The following CELF2 variants were observed in gnomAD, a reference collection of about 807,000 sequenced individuals.
CELF2 encodes CUGBP Elav-like family member 2, also known as CUG triplet repeat RNA-binding protein 2.
In CELF2, 8 loss-of-function variants were observed where a neutral mutation model predicts 62.6. The ratio of observed to expected loss-of-function variants is 0.13; its 90% confidence interval spans 0.07 to 0.23. The LOEUF (loss-of-function observed/expected upper bound fraction) is 0.23, where lower values mean the gene tolerates loss of function less well. Ranked by LOEUF, CELF2 falls within the 10% of genes least tolerant of loss-of-function variation. CELF2 has a pLI of 1.00. For missense variants in CELF2, 333 were observed against 671.0 expected (o/e 0.50, Z 5.56); for synonymous variants, 258 against 250.0 (o/e 1.03, Z -0.30).
chr10:10,569,652 G>C, the CELF2 span, among the ~76,000 whole-genome samples: 24,652 of 152,158 alleles, frequency 0.16, 2,310 homozygotes, highest in East Asian at 0.25. Context: ...TTTAAAGAGA[G>C]AGGAATTCAA....
At chr10:10,673,686 C>T in the CELF2 span, among the ~76,000 whole-genome samples, 1 of 152,074 alleles carries the variant, frequency 6.6e-6, no homozygotes, top group African/African-American at 2.4e-5. Context: ...TATAAATTCC[C>T]CTCAAAGCAC....
chr10:11,141,556 G>A (rs1271551121), intron 1 of CELF2, among the ~76,000 whole-genome samples: 5 of 152,238 alleles, frequency 3.3e-5, no homozygotes, highest in Admixed American at 3.3e-4. Flanking sequence ...TTCTGGGGGA[G>A]CCAAGTGGAA....
the CELF2 span, among the ~76,000 whole-genome samples, chr10:10,651,773 A>T: frequency 6.6e-6 from 1 of 152,018 alleles, no homozygotes; most frequent in Non-Finnish European, 1.5e-5. Context: ...GATGGGGAAA[A>T]AAAAAGCACA....
the CELF2 span, among the ~76,000 whole-genome samples, chr10:10,792,059 AAG>A: frequency 7.0e-5 from 9 of 128,424 alleles, no homozygotes; most frequent in African/African-American, 2.0e-4. Context: ...GGAAGGAAGG[AAG>A]GAGGGAGGAA....
the CELF2 span, among the ~76,000 whole-genome samples, chr10:10,724,206 C>T: frequency 1.3e-5 from 2 of 152,178 alleles, no homozygotes; most frequent in African/African-American, 2.4e-5. Context: ...AACCATGTCG[C>T]GTTCTTGTCC....
At chr10:10,507,522 T>C in the CELF2 span, among the ~76,000 whole-genome samples, 3 of 152,292 alleles carry the variant, frequency 2.0e-5, no homozygotes, top group East Asian at 3.9e-4. Context: ...GAAGTTCTCA[T>C]AACTGCATAG....
chr10:10,763,456 G>A, the CELF2 span, among the ~76,000 whole-genome samples: 34 of 152,122 alleles, frequency 2.2e-4, no homozygotes, highest in African/African-American at 7.2e-4. Context: ...ACGCTGCCCC[G>A]GTCAGGAAAA....
At chr10:10,733,614 G>C in the CELF2 span, among the ~76,000 whole-genome samples, 7 of 151,962 alleles carry the variant, frequency 4.6e-5, no homozygotes, top group Admixed American at 6.6e-5. Flanking sequence ...GCATGGCTTG[G>C]GGGGGCCTCA....
intron 2 of CELF2, among the ~76,000 whole-genome samples, chr10:11,176,810 A>T (rs1367750708): frequency 6.6e-6 from 1 of 152,120 alleles, no homozygotes; most frequent in Non-Finnish European, 1.5e-5. Flanking sequence ...TAATTTTTTC[A>T]ATGTTTATCC....
chr10:11,017,682 G>A (rs979289027), upstream of CELF2, among the ~76,000 whole-genome samples: 1 of 152,080 alleles, frequency 6.6e-6, no homozygotes, highest in African/African-American at 2.4e-5. The surrounding 1 kb of genome is among the most constrained non-coding windows in gnomAD (Gnocchi z 5.5). Flanking sequence ...CCGGGCGGGG[G>A]AGCAGAGCCA....
chr10:11,328,921 TC>T lies in CELF2; in HGVS notation c.1439-3del, dbSNP rs1323935162. 1.2e-6 allele frequency: 2 copies of T among 1,608,254 alleles called. No homozygotes were observed. Among genetic ancestry groups the T allele is most frequent in the Non-Finnish European group, 8.5e-7 (1 of 1,176,024 alleles). On this transcript the variant is annotated splice_polypyrimidine_tract_variant and splice_region_variant and intron_variant, in intron 12 of 12. Coordinates refer to ENST00000633077, the MANE Select transcript of CELF2 (RefSeq NM_001326342.2). This position sits in a 1 kb window ranked among gnomAD's most constrained non-coding sequence, Gnocchi z 6.4. ...AGGCTGACTCCCTCTCTCGGTATTT[TC>T]CAGGTTTTGTTAGCTACGACAATCC... is the stretch of plus-strand genomic sequence containing the variant.
At chr10:11,078,998 G>A (rs1201707917) in intron 1 of CELF2, among the ~76,000 whole-genome samples, 3 of 152,146 alleles carry the variant, frequency 2.0e-5, no homozygotes, top group South Asian at 2.1e-4. Flanking sequence ...TTTCTATTGC[G>A]ATTTGGAGTC....
At chr10:10,638,723 C>T in the CELF2 span, among the ~76,000 whole-genome samples, 2 of 152,182 alleles carry the variant, frequency 1.3e-5, no homozygotes, top group African/African-American at 4.8e-5. Flanking sequence ...AAATCTGACT[C>T]AGGGCAAGGC....
the CELF2 span, among the ~76,000 whole-genome samples, chr10:10,567,867 C>CT: frequency 6.6e-6 from 1 of 152,106 alleles, no homozygotes; most frequent in African/African-American, 2.4e-5. Flanking sequence ...ACCACAGGGT[C>CT]TAAAACAGCA....
chr10:10,620,477 A>T, the CELF2 span, among the ~76,000 whole-genome samples: 370 of 150,052 alleles, frequency 2.5e-3, 8 homozygotes, highest in East Asian at 0.029. Context: ...AAAAGCAGAG[A>T]TTAGTACGTT....
the CELF2 span, among the ~76,000 whole-genome samples, chr10:10,736,873 C>T: frequency 6.6e-6 from 1 of 152,046 alleles, no homozygotes; most frequent in Non-Finnish European, 1.5e-5. Flanking sequence ...CCCTGACATA[C>T]GATTTCCTAA....
At chr10:10,852,095 T>G (rs975924175) in intron 1 of CELF2, among the ~76,000 whole-genome samples, 7 of 152,238 alleles carry the variant, frequency 4.6e-5, no homozygotes, top group Admixed American at 1.3e-4. Flanking sequence ...ATTTAACTCC[T>G]TGGTGTCTAC....
the CELF2 span, among the ~76,000 whole-genome samples, chr10:10,511,121 G>A: frequency 1.3e-5 from 2 of 152,092 alleles, no homozygotes; most frequent in Admixed American, 6.6e-5. Context: ...TAAAATATAT[G>A]TATACAGGCT....
At chr10:10,985,010 A>G (rs1173860689) in intron 2 of CELF2, among the ~76,000 whole-genome samples, 3 of 152,302 alleles carry the variant, frequency 2.0e-5, no homozygotes, top group East Asian at 1.9e-4. Context: ...CATTTTCTCA[A>G]ACTTTTCGAG....
Sources: gnomAD v4.1 joint callset for allele counts (sites outside exome capture counted in the v4.1 genomes callset) on GRCh38, gnomAD v4.1.1 for gene constraint, Gnocchi (gnomAD v3.1) non-coding constraint, MANE v1.5 for transcripts, NCBI Gene and HGNC (gene_info 2026-07-23, HGNC 2026-07-21) for gene names.